Variants in DNAH1 observed in about 807,000 individuals in gnomAD.
DNAH1 encodes dynein axonemal heavy chain 1.
Under a neutral mutation model 484.3 loss-of-function variants are expected in DNAH1, and 327 were observed. The observed-to-expected ratio is 0.68, with a 90% CI of 0.62 to 0.74. DNAH1 has a LOEUF of 0.74. Ranked by LOEUF, DNAH1 falls within the 30% of genes least tolerant of loss-of-function variation. The pLI, the probability that DNAH1 is intolerant of heterozygous loss-of-function variation, is 0.00. For missense variants in DNAH1, 5,052 were observed against 5,546.8 expected (o/e 0.91, Z 2.83); for synonymous variants, 2,192 against 2,191.9 (o/e 1.00, Z 0.00).
At position 52,359,354 on chromosome 3, in the gene DNAH1, A is replaced by C. The variant is rs376104739; in HGVS notation, c.4375A>C (p.Arg1459=). The C allele has an allele frequency of 4.6e-5, 72 of 1,571,452 alleles. No homozygotes were observed. Among genetic ancestry groups the C allele is most frequent in the Non-Finnish European group, 6.0e-5 (70 of 1,157,528 alleles). Residue 1459 remains arginine, a synonymous_variant, in exon 26 of 78, where the codon AGA becomes CGA. Coordinates refer to ENST00000420323, the MANE Select transcript of DNAH1 (RefSeq NM_015512.5). ...VAEALEAGNL[R]SQLFPQLCQQ... is the part of the protein sequence containing the mutation. ...AGAGGCTCTGGAGGCCGGCAACCTC[A>C]GAAGCCAACTGTTCCCCCAGCTCTG...
At position 52,324,945 on chromosome 3, in the gene DNAH1, C is replaced by T. The variant is rs528756490; in HGVS notation, c.406+1065C>T. 5.9e-5 allele frequency among the ~76,000 whole-genome samples: 9 copies of T among 152,028 alleles called. 1 individual carries two copies. The highest frequency in any genetic ancestry group is 4.2e-4 in the South Asian group (2 of 4,808). On this transcript the variant is annotated intron_variant, in intron 3 of 77. Coordinates refer to ENST00000420323, the MANE Select transcript of DNAH1 (RefSeq NM_015512.5). ...GCCCGAGGGCTGGGGTAGCCTGCCC[C>T]GGCCCGCGGACGCAGCAGGGTCTGG...
In DNAH1 at chr3:52,384,780, C is replaced by T. The variant is rs1704023912; in HGVS notation, c.8323-6C>T. The T allele has an allele frequency of 2.5e-6, 4 of 1,595,258 alleles. No individual in the cohort carries two copies. Among genetic ancestry groups the T allele is most frequent in the African/African-American group, 2.7e-5 (2 of 74,490 alleles). On this transcript the variant is annotated splice_polypyrimidine_tract_variant and splice_region_variant and intron_variant, in intron 52 of 77. Coordinates refer to ENST00000420323, the MANE Select transcript of DNAH1 (RefSeq NM_015512.5). ...CAGGCCGGCATCCATGGTCTTCCTCCCCCAGATCCAGGTCTGTGTGTACAT... is the reference window on the plus strand; with the variant it reads ...CAGGCCGGCATCCATGGTCTTCCTCTCCCAGATCCAGGTCTGTGTGTACAT...
At position 52,362,252 on chromosome 3, in the gene DNAH1, C is replaced by A; in HGVS notation, c.4981-136C>A. Reference sequence around the variant, plus strand: ...CCAGATCCTGAGAGAGGATACAACCCATGATCAGGGGTCCAGGCCTGGCCT... The same window carrying A: ...CCAGATCCTGAGAGAGGATACAACCAATGATCAGGGGTCCAGGCCTGGCCT... On this transcript the variant is annotated intron_variant, in intron 30 of 77. Transcript: ENST00000420323. This position sits in a 1 kb window ranked among gnomAD's most constrained non-coding sequence, Gnocchi z 5.1. The A allele has an allele frequency of 1.4e-6, 1 of 705,736 alleles. No individual in the cohort carries two copies. The highest frequency in any genetic ancestry group is 2.4e-6 in the Non-Finnish European group (1 of 412,992). 43.7% of individuals were successfully genotyped at this position (705,736 alleles called of 1,614,324 possible). A position where few individuals can be genotyped will look rare whatever the true frequency, so the allele number is the denominator to read the frequency against.
intron 1 of DNAH1, among the ~76,000 whole-genome samples, chr3:52,319,738 A>G (rs1701077333): frequency 6.6e-6 from 1 of 152,192 alleles, no homozygotes; most frequent in Non-Finnish European, 1.5e-5. Context: ...CTGTCTGTCT[A>G]GCTCCTGAGT....
In DNAH1 at chr3:52,381,535, G is replaced by C. The variant is rs1255936128; in HGVS notation, c.7609-105G>C. The stretch of plus-strand genomic sequence containing the variant: ...CGGGTCACAGGTGGTCAAGGCACCT[G>C]TGCTTCTCAGTCAGGACAGAGAAGA... On this transcript the variant is annotated intron_variant, in intron 48 of 77. Transcript: ENST00000420323. The surrounding 1 kb of genome is among the most constrained non-coding windows in gnomAD (Gnocchi z 4.1). The C allele has an allele frequency of 3.6e-6, 4 of 1,117,614 alleles. No individual in the cohort carries two copies. The highest frequency in any genetic ancestry group is 1.6e-5 in the African/African-American group (1 of 63,446). The allele number at this position is 1,117,614 out of a possible 1,614,324, so 69.2% of individuals were successfully genotyped here. A position where few individuals can be genotyped will look rare whatever the true frequency, so the allele number is the denominator to read the frequency against.
chr3:52,375,818 A>T, intron 45 of DNAH1, 137 bp from the exon 46 acceptor site: 1 of 972,012 alleles, frequency 1.0e-6, no homozygotes. Context: ...GGATGGACGG[A>T]GTGTCTCTGA....
intron 43 of DNAH1, 30 bp downstream of exon 43, chr3:52,372,417 CT>C: frequency 6.2e-7 from 1 of 1,609,824 alleles, no homozygotes; most frequent in South Asian, 1.1e-5. Flanking sequence ...TTCCTCACCC[CT>C]GCATCCTCCC....
In DNAH1 at chr3:52,398,961, C is replaced by T. The variant is rs1704771654; in HGVS notation, c.12201C>T (p.Tyr4067=). ...SQLELMAASL[Y]NNTVPELWSA... is the part of the protein sequence containing the mutation. ...TGGAGCTGATGGCTGCCAGCCTGTA[C>T]AACAATACTGTGCCTGAGCTCTGGA... Residue 4067 remains tyrosine (Y), a synonymous_variant, in exon 76 of 78, where the codon TAC becomes TAT. Transcript: ENST00000420323. 1.9e-6 allele frequency: 3 copies of T among 1,613,476 alleles called. No individual in the cohort carries two copies. In the East Asian group the frequency reaches 6.7e-5, roughly 36 times the overall value.
intron 75 of DNAH1, 66 bp downstream of exon 75, chr3:52,398,228 G>A: frequency 2.0e-6 from 3 of 1,521,422 alleles, no homozygotes; most frequent in Non-Finnish European, 2.6e-6. Context: ...ATGACAACAG[G>A]GGTTACTATG....
chr3:52,348,425 T>C (rs1371913813), intron 12 of DNAH1, among the ~76,000 whole-genome samples: 2 of 152,138 alleles, frequency 1.3e-5, no homozygotes, highest in African/African-American at 4.8e-5. Context: ...ACAGGCCGGC[T>C]TCCACATACA....
Position 52,361,488 on chromosome 3 carries a change from G to C in DNAH1, c.4874+136G>C, listed in dbSNP as rs936179240. The stretch of plus-strand genomic sequence containing the variant: ...GACAGAAGGGGGTAATAGGCATCAC[G>C]GCTTGGTCCTGGGGGCATTGGGGTG... On this transcript the variant is annotated intron_variant, in intron 29 of 77. Transcript: ENST00000420323. The surrounding 1 kb of genome is among the most constrained non-coding windows in gnomAD (Gnocchi z 5.6). The C allele has an allele frequency of 1.6e-6, 2 of 1,280,000 alleles. No individual in the cohort carries two copies. The highest frequency in any genetic ancestry group is 2.1e-6 in the Non-Finnish European group (2 of 932,806). 79.3% of individuals were successfully genotyped at this position (1,280,000 alleles called of 1,614,324 possible). A position where few individuals can be genotyped will look rare whatever the true frequency, so the allele number is the denominator to read the frequency against.
intron 8 of DNAH1, among the ~76,000 whole-genome samples, chr3:52,344,260 G>T (rs928869781): frequency 4.6e-5 from 7 of 152,178 alleles, no homozygotes; most frequent in African/African-American, 1.7e-4. Flanking sequence ...CAGAAAATGG[G>T]GACAAGGGGC....
At chr3:52,341,680 TA>T (rs1559503869) in intron 8 of DNAH1, among the ~76,000 whole-genome samples, 2 of 152,054 alleles carry the variant, frequency 1.3e-5, no homozygotes, top group African/African-American at 4.8e-5. Context: ...TTCCCACACC[TA>T]AACCAACTGC....
At position 52,356,093 on chromosome 3, in the gene DNAH1, CAA is replaced by C. The variant is rs1046440287; in HGVS notation, c.3694-520_3694-519del. 9.6e-4 allele frequency among the ~76,000 whole-genome samples: 146 copies of C among 152,330 alleles called. 1 individual carries two copies. Among genetic ancestry groups the C allele is most frequent in the African/African-American group, 3.4e-3 (140 of 41,560 alleles). ...GTGAGTTTGCGCTGATGGGAGAAGA[CAA>C]GAGATACATCCTGAATGGGGAATTT... is the stretch of plus-strand genomic sequence containing the variant. On this transcript the variant is annotated intron_variant, in intron 21 of 77. Transcript: ENST00000420323.
intron 41 of DNAH1, 109 bp downstream of exon 41, chr3:52,370,934 G>C (rs1446756499): frequency 9.7e-7 from 1 of 1,036,022 alleles, no homozygotes; most frequent in Non-Finnish European, 1.4e-6. Context: ...ATGGCCACCA[G>C]GTCTCAGGCA....
Position 52,375,248 on chromosome 3 carries a change from A to G in DNAH1, c.6994A>G (p.Lys2332Glu). The G allele has an allele frequency of 6.2e-7, 1 of 1,605,850 alleles. No individual in the cohort carries two copies. Among genetic ancestry groups the G allele is most frequent in the South Asian group, 1.1e-5 (1 of 89,020 alleles). The part of the protein sequence containing the change: ...WYDRKIIGAF[K>E]NLVDINFVCA... ...TCCTGCCCCTACTCCAGGTGCCTTC[A>G]AGAACCTAGTGGACATCAACTTTGT... Residue 2332 changes from lysine (K) to glutamate (E), a missense_variant, in exon 45 of 78, where the codon AAG becomes GAG. Physicochemically the swap from Lys to Glu is moderately conservative, Grantham distance 56. This residue lies in a region of DNAH1 where 2,929 missense variants were observed against 3,409.4 expected (regional missense o/e 0.86). Transcript: ENST00000420323.
Position 52,388,490 on chromosome 3 carries a change from C to G in DNAH1, c.9244C>G (p.Arg3082Gly), listed in dbSNP as rs781114057. Reference protein sequence around the residue: ...RILDEAKQRLREVEDGIATMQ... With the variant: ...RILDEAKQRLGEVEDGIATMQ... ...CCTGGATGAGGCAAAACAGCGCCTT[C>G]GTGAGGTGGAGGACGGCATCGCCAC... The change falls in exon 58 of 78, where the codon CGT becomes GGT. Residue 3082 changes from arginine to glycine, a missense_variant. Physicochemically the swap from Arg to Gly is moderately radical, Grantham distance 125. This residue lies in a region of DNAH1 where 2,929 missense variants were observed against 3,409.4 expected (regional missense o/e 0.86). Coordinates refer to ENST00000420323, the MANE Select transcript of DNAH1 (RefSeq NM_015512.5). The G allele has an allele frequency of 5.6e-6, 9 of 1,612,636 alleles. No individual in the cohort carries two copies. In the Admixed American group the frequency reaches 1.2e-4, roughly 21 times the overall value.
intron 1 of DNAH1, among the ~76,000 whole-genome samples, chr3:52,318,931 C>CG (rs1701048221): frequency 2.0e-5 from 3 of 152,202 alleles, no homozygotes; most frequent in African/African-American, 7.2e-5. Flanking sequence ...CTTGTTGAAT[C>CG]GGGTGAGTGG....
At position 52,346,697 on chromosome 3, in the gene DNAH1, G is replaced by A. The variant is rs577852167; in HGVS notation, c.1882G>A (p.Asp628Asn). The change falls in exon 11 of 78, where the codon GAC (aspartate) becomes AAC (asparagine). Residue 628 changes from aspartate to asparagine, a missense_variant. Transcript: ENST00000420323. ...TGCCAGCTTCTCACAGTTCATCAGCGACACCTGTTGCAGCGTGCTCAACTG... is the reference window on the plus strand; with the variant it reads ...TGCCAGCTTCTCACAGTTCATCAGCAACACCTGTTGCAGCGTGCTCAACTG... ...SLASFSQFIS[D>N]TCCSVLNCTD... 2.6e-4 allele frequency: 419 copies of A among 1,613,984 alleles called. 7 individuals carry two copies. The South Asian group carries it at 4.1e-3, about 16-fold the overall frequency.
Sources: gnomAD v4.1 joint callset for allele counts (sites outside exome capture counted in the v4.1 genomes callset) on GRCh38, gnomAD v4.1.1 for gene constraint, gnomAD v4.1.1 regional missense constraint, Gnocchi (gnomAD v3.1) non-coding constraint, MANE v1.5 for transcripts, NCBI Gene and HGNC (gene_info 2026-07-23, HGNC 2026-07-21) for gene names.